Variants in SCFD1 observed in about 807,000 individuals in gnomAD.
SCFD1 encodes the protein sec1 family domain-containing protein 1.
In SCFD1, 37 loss-of-function variants were observed where a neutral mutation model predicts 103.2. That is an observed-to-expected ratio of 0.36 (90% CI 0.28 to 0.47). The LOEUF (loss-of-function observed/expected upper bound fraction) is 0.47, where lower values mean the gene tolerates loss of function less well. Among genes scored for constraint, SCFD1 ranks in the 20% least tolerant of loss-of-function variants. SCFD1 has a pLI of 1.00. For missense variants in SCFD1, 639 were observed against 761.2 expected (o/e 0.84, Z 1.89); for synonymous variants, 264 against 245.0 (o/e 1.08, Z -0.73).
chr14:30,665,487 A>G (rs1268677968), intron 10 of SCFD1, among the ~76,000 whole-genome samples: 1 of 152,224 alleles, frequency 6.6e-6, no homozygotes, highest in African/African-American at 2.4e-5. Flanking sequence ...GCATCAGCTA[A>G]TGGGCAGAAT....
At chr14:30,727,221 A>G (rs1160116779) in intron 23 of SCFD1, among the ~76,000 whole-genome samples, 1 of 152,196 alleles carries the variant, frequency 6.6e-6, no homozygotes, top group Non-Finnish European at 1.5e-5. Flanking sequence ...GTAGTTGGAA[A>G]TGCAGCAGTT....
At chr14:30,682,909 A>G (rs1178939161) in intron 14 of SCFD1, 4 of 398,554 alleles carry the variant, frequency 1.0e-5, no homozygotes, top group Admixed American at 4.2e-5. Flanking sequence ...GGCTCAACTG[A>G]GGCTTAATTT....
At chr14:30,710,161 A>G (rs1891764026) in intron 19 of SCFD1, among the ~76,000 whole-genome samples, 1 of 152,066 alleles carries the variant, frequency 6.6e-6, no homozygotes, top group Non-Finnish European at 1.5e-5. Context: ...TTTGGAGTGC[A>G]TAAGATACAG....
chr14:30,639,718 T>A, intron 5 of SCFD1, 59 bp from the exon 6 acceptor site: 1 of 1,464,472 alleles, frequency 6.8e-7, no homozygotes, highest in Non-Finnish European at 9.1e-7. Flanking sequence ...CAAACTAAAT[T>A]TACTTTCAAT....
intron 16 of SCFD1, among the ~76,000 whole-genome samples, chr14:30,702,006 T>C (rs1369685517): frequency 6.6e-6 from 1 of 152,198 alleles, no homozygotes; most frequent in Non-Finnish European, 1.5e-5. Context: ...AAAAGCAGTC[T>C]ATCCCAGCAG....
At position 30,673,798 on chromosome 14, in the gene SCFD1, G is replaced by GCTCT. The variant is rs1888769546; in HGVS notation, c.1087-126_1087-125insCTCT. On this transcript the variant is annotated intron_variant, in intron 12 of 24. Transcript: ENST00000458591. The stretch of plus-strand genomic sequence containing the variant: ...TCAGAGGAGGAGAATTACTATTCTA[G>GCTCT]GTGACTTAAAAATCTTACGGTATAT... 61 of 675,512 alleles carry GCTCT rather than the reference G, an allele frequency of 9.0e-5. 1 individual carries two copies. The highest frequency in any genetic ancestry group is 1.3e-5 in the Non-Finnish European group (5 of 376,198). 41.8% of individuals were successfully genotyped at this position (675,512 alleles called of 1,614,324 possible). A position where few individuals can be genotyped will look rare whatever the true frequency, so the allele number is the denominator to read the frequency against.
chr14:30,715,853 T>A (rs1892244086), intron 19 of SCFD1, 71 bp from the exon 20 acceptor site: 2 of 784,518 alleles, frequency 2.5e-6, no homozygotes, highest in Non-Finnish European at 4.3e-6. Context: ...AACTGTAGAA[T>A]GATCAGGTTG....
intron 7 of SCFD1, among the ~76,000 whole-genome samples, chr14:30,649,013 G>C (rs1310444771): frequency 6.6e-6 from 1 of 151,524 alleles, no homozygotes; most frequent in Non-Finnish European, 1.5e-5. Flanking sequence ...CTGCCCATAG[G>C]GGATCAAAAT....
At chr14:30,668,402 G>A (rs1888217637) in intron 10 of SCFD1, among the ~76,000 whole-genome samples, 1 of 152,126 alleles carries the variant, frequency 6.6e-6, no homozygotes, top group Non-Finnish European at 1.5e-5. Flanking sequence ...ATTAATTCAA[G>A]ATGGATTAAA....
At chr14:30,684,799 G>GTT (rs1889820677) in intron 14 of SCFD1, among the ~76,000 whole-genome samples, 5 of 38,314 alleles carry the variant, frequency 1.3e-4, no homozygotes, top group African/African-American at 5.4e-4. Context: ...TGTTGCAATT[G>GTT]TTTCTTTTTT....
At chr14:30,658,462 G>A (rs1887121069) in intron 10 of SCFD1, 2 of 153,860 alleles carry the variant, frequency 1.3e-5, no homozygotes, top group East Asian at 1.9e-4. Flanking sequence ...GTGCGATCTC[G>A]GCTCACTGCA....
chr14:30,658,131 A>AG (rs1456339879), intron 10 of SCFD1: 1 of 454,142 alleles, frequency 2.2e-6, no homozygotes, highest in Non-Finnish European at 4.4e-6. Flanking sequence ...CTTCAGTCAA[A>AG]GGGATGGACA....
intron 4 of SCFD1, chr14:30,634,830 A>G (rs1180503550): frequency 4.4e-6 from 2 of 456,038 alleles, no homozygotes; most frequent in South Asian, 3.1e-5. Flanking sequence ...AAGAAGAGGG[A>G]CATGGACTGT....
At chr14:30,667,599 A>G (rs1348613439) in intron 10 of SCFD1, among the ~76,000 whole-genome samples, 1 of 152,192 alleles carries the variant, frequency 6.6e-6, no homozygotes, top group Non-Finnish European at 1.5e-5. Context: ...TCAATTAGGA[A>G]AAGAGGAAGT....
At chr14:30,698,227 C>A (rs1171842594) in intron 15 of SCFD1, among the ~76,000 whole-genome samples, 1 of 152,134 alleles carries the variant, frequency 6.6e-6, no homozygotes, top group Non-Finnish European at 1.5e-5. Flanking sequence ...GAGAGAGGTG[C>A]GTGTGACAAG....
At chr14:30,670,076 T>A in intron 10 of SCFD1, 180 bp from the exon 11 acceptor site, 2 of 542,578 alleles carry the variant, frequency 3.7e-6, no homozygotes, top group South Asian at 5.1e-5. Flanking sequence ...TTAATATACA[T>A]CTAATACTTT....
At chr14:30,703,954 T>A (rs1043876336) in intron 17 of SCFD1, among the ~76,000 whole-genome samples, 8 of 56,062 alleles carry the variant, frequency 1.4e-4, no homozygotes, top group Non-Finnish European at 2.2e-4. Flanking sequence ...TATATATATA[T>A]ATATATATAA....
At chr14:30,733,765 C>T (rs1893645984) in intron 23 of SCFD1, among the ~76,000 whole-genome samples, 1 of 152,220 alleles carries the variant, frequency 6.6e-6, no homozygotes, top group Non-Finnish European at 1.5e-5. Flanking sequence ...TTGGTTTCTG[C>T]AGTTGAGCCT....
intron 6 of SCFD1, among the ~76,000 whole-genome samples, chr14:30,642,525 G>A (rs1465856755): frequency 6.6e-6 from 1 of 152,162 alleles, no homozygotes; most frequent in Non-Finnish European, 1.5e-5. Flanking sequence ...ACTCAGTAAA[G>A]TTTGGGAACT....
Sources: allele counts gnomAD v4.1 joint callset (sites outside exome capture counted in the v4.1 genomes callset), GRCh38; gene constraint gnomAD v4.1.1; transcripts MANE v1.5; gene names NCBI Gene and HGNC (gene_info 2026-07-23, HGNC 2026-07-21).